The following TMEM38B variants were observed in gnomAD, a reference collection of about 807,000 sequenced individuals.
The protein encoded by TMEM38B is transmembrane protein 38B, also known as trimeric intracellular cation channel type B.
TMEM38B carries 24 observed loss-of-function variants against 28.7 expected under a neutral mutation model. The ratio of observed to expected loss-of-function variants is 0.84; its 90% CI spans 0.61 to 1.18. TMEM38B has a LOEUF of 1.18. Ranked by LOEUF, TMEM38B falls within the 50% of genes most tolerant of loss-of-function variation. The pLI is 0.00. For missense variants in TMEM38B, 380 were observed against 350.9 expected, an observed-to-expected ratio of 1.08 and a Z score of -0.66; for synonymous variants, 131 against 127.7, an observed-to-expected ratio of 1.03 and a Z score of -0.17.
At chr9:105,700,911 C>A (rs1835443113) in intron 1 of TMEM38B, 1 of 151,950 alleles carries the variant, frequency 6.6e-6, no homozygotes, top group Non-Finnish European at 1.5e-5. Flanking sequence ...TCCCCAAAGC[C>A]CCTTTGTTAC....
intron 2 of TMEM38B, among the ~76,000 whole-genome samples, chr9:105,716,358 CTGTCAGTTGT>C (rs1836095588): frequency 2.3e-5 from 3 of 130,974 alleles, no homozygotes; most frequent in Admixed American, 7.5e-5. Flanking sequence ...GCCAGAACCT[CTGTCAGTTGT>C]AGCATTTGTG....
Position 105,708,722 on chromosome 9 carries a change from C to G in TMEM38B, c.269+2969C>G, listed in dbSNP as rs116955965. Among the ~76,000 whole-genome samples, 695 of 152,136 alleles carry G rather than the reference C, an allele frequency of 4.6e-3. 3 individuals carry two copies. The highest frequency in any genetic ancestry group is 8.3e-3 in the Non-Finnish European group (567 of 67,936). On this transcript the variant is annotated intron_variant, in intron 2 of 5. Transcript: ENST00000374692. ...CTTCTCTTTGTAATCTTTTTTTCCT[C>G]AGAAGTCTCATATTTTGTTTTATCA...
At chr9:105,759,207 T>C (rs1388199338) in intron 5 of TMEM38B, 1 of 721,468 alleles carries the variant, frequency 1.4e-6, no homozygotes, top group Non-Finnish European at 2.5e-6. Flanking sequence ...TACTTTTGAA[T>C]ATTATGAATT....
intron 4 of TMEM38B, among the ~76,000 whole-genome samples, chr9:105,739,417 A>G (rs1296333529): frequency 6.6e-6 from 1 of 152,080 alleles, no homozygotes; most frequent in African/African-American, 2.4e-5. Flanking sequence ...CTGCAAAACA[A>G]AAAAAAGTAA....
chr9:105,705,103 T>G (rs773856507), intron 1 of TMEM38B, among the ~76,000 whole-genome samples: 2 of 152,220 alleles, frequency 1.3e-5, no homozygotes, highest in Non-Finnish European at 2.9e-5. Context: ...AGTATAAATA[T>G]CTATTCCTAA....
Position 105,694,550 on chromosome 9 carries a change from G to T in TMEM38B, c.-111G>T. ...GCCAGGGCGCACGCGCGGAGCTGGA[G>T]CCGGCGCGGAGGAGCGGGCGGCCGC... On this transcript the variant is annotated 5_prime_UTR_variant, in exon 1 of 6. Transcript: ENST00000374692. 1 of 697,206 alleles carries T rather than the reference G, an allele frequency of 1.4e-6. No individual in the cohort carries two copies. The highest frequency in any genetic ancestry group is 3.6e-5 in the Admixed American group (1 of 28,014). 43.2% of individuals were successfully genotyped at this position (697,206 alleles called of 1,614,324 possible). A position where few individuals can be genotyped will look rare whatever the true frequency, so the allele number is the denominator to read the frequency against.
intron 2 of TMEM38B, among the ~76,000 whole-genome samples, chr9:105,715,056 G>A (rs982725394): frequency 4.6e-5 from 7 of 152,026 alleles, no homozygotes; most frequent in Non-Finnish European, 1.0e-4. Context: ...GGTTTCTTAA[G>A]GACATAGGAT....
chr9:105,730,015 A>G (rs1164616992), intron 4 of TMEM38B, among the ~76,000 whole-genome samples: 2 of 152,180 alleles, frequency 1.3e-5, no homozygotes, highest in Non-Finnish European at 2.9e-5. Flanking sequence ...CAATCATGTC[A>G]TCTGAAAACA....
chr9:105,710,589 C>G (rs961304714), intron 2 of TMEM38B: 1 of 825,944 alleles, frequency 1.2e-6, no homozygotes, highest in Admixed American at 1.7e-5. Flanking sequence ...GTGTCTTCAG[C>G]ATCAGGAACA....
At chr9:105,770,329 T>G (rs182955393) in intron 5 of TMEM38B, among the ~76,000 whole-genome samples, 1 of 152,258 alleles carries the variant, frequency 6.6e-6, no homozygotes, top group African/African-American at 2.4e-5. Flanking sequence ...TCCTTAGCAT[T>G]GAGTCTAGTG....
intron 1 of TMEM38B, among the ~76,000 whole-genome samples, chr9:105,704,379 A>G (rs886763103): frequency 1.3e-5 from 2 of 152,184 alleles, no homozygotes; most frequent in African/African-American, 4.8e-5. Context: ...CCTTGGCAAC[A>G]GAGCGAGACC....
At chr9:105,697,734 T>TA (rs934167743) in intron 1 of TMEM38B, among the ~76,000 whole-genome samples, 2 of 152,176 alleles carry the variant, frequency 1.3e-5, no homozygotes, top group African/African-American at 2.4e-5. Flanking sequence ...TGCAGAAGTT[T>TA]AAAAAATCTC....
At chr9:105,704,231 A>T (rs1462943207) in intron 1 of TMEM38B, among the ~76,000 whole-genome samples, 3 of 114,112 alleles carry the variant, frequency 2.6e-5, no homozygotes, top group East Asian at 6.8e-4. Context: ...TTAAAGTATA[A>T]AAAAAAAATA....
At chr9:105,713,861 G>C (rs1324991176) in intron 2 of TMEM38B, among the ~76,000 whole-genome samples, 6 of 152,228 alleles carry the variant, frequency 3.9e-5, no homozygotes, top group Admixed American at 3.9e-4. Flanking sequence ...GCTCAGCCAG[G>C]GCAGGGCAGA....
intron 5 of TMEM38B, among the ~76,000 whole-genome samples, chr9:105,773,121 T>A (rs1178368692): frequency 6.6e-6 from 1 of 152,178 alleles, no homozygotes; most frequent in African/African-American, 2.4e-5. Flanking sequence ...GTTCTAGACT[T>A]GAAAGTTCTC....
intron 4 of TMEM38B, among the ~76,000 whole-genome samples, chr9:105,733,945 TC>T (rs1435629895): frequency 2.0e-5 from 3 of 152,112 alleles, no homozygotes; most frequent in African/African-American, 7.2e-5. Context: ...CTATGTTTTT[TC>T]TATTTGATTT....
Position 105,773,924 on chromosome 9 carries a change from G to GAGT in TMEM38B, c.721_723dup (p.Ser241dup), listed in dbSNP as rs1826642276. Reference sequence around the variant, plus strand: ...CATTTGCTCCTTTTGAGGATACATTGAGTTGGATGCTATTTGGCTGGCAGC... The same window carrying GAGT: ...CATTTGCTCCTTTTGAGGATACATTGAGTAGTTGGATGCTATTTGGCTGGCAGC... On this transcript the variant is annotated inframe_insertion, in exon 6 of 6. Transcript: ENST00000374692. The GAGT allele has an allele frequency of 1.9e-6, 3 of 1,613,618 alleles. No homozygotes were observed. Among genetic ancestry groups the GAGT allele is most frequent in the African/African-American group, 2.7e-5 (2 of 74,880 alleles).
chr9:105,719,597 G>T (rs1221526767), intron 2 of TMEM38B, among the ~76,000 whole-genome samples: 1 of 152,054 alleles, frequency 6.6e-6, no homozygotes, highest in African/African-American at 2.4e-5. Context: ...AATGAAAACA[G>T]TTTTTTTGTT....
intron 4 of TMEM38B, among the ~76,000 whole-genome samples, chr9:105,730,262 A>G (rs917660045): frequency 6.6e-6 from 1 of 152,100 alleles, no homozygotes; most frequent in Non-Finnish European, 1.5e-5. Flanking sequence ...AGCAATACCT[A>G]GTTTATTGAG....
Sources: allele counts gnomAD v4.1 joint callset (sites outside exome capture counted in the v4.1 genomes callset), GRCh38; gene constraint gnomAD v4.1.1; transcripts MANE v1.5; gene names NCBI Gene and HGNC (gene_info 2026-07-23, HGNC 2026-07-21).